NASP: variants seen among roughly 807,000 people sequenced by gnomAD.
NASP encodes the protein NASP histone chaperone.
A neutral mutation model predicts 89.5 loss-of-function variants in NASP; 24 were observed. The ratio of observed to expected loss-of-function variants is 0.27; its 90% CI spans 0.19 to 0.38. NASP has a LOEUF of 0.38. Ranked by LOEUF, NASP falls within the 10% of genes least tolerant of loss-of-function variation. NASP has a pLI of 1.00. For synonymous variants in NASP, 306 were observed against 324.7 expected (o/e 0.94, Z 0.62); for missense variants, 848 against 921.4 (o/e 0.92, Z 1.03).
chr1:45,606,689 C>A, intron 5 of NASP, 98 bp downstream of exon 5: 1 of 767,712 alleles, frequency 1.3e-6, no homozygotes, highest in Non-Finnish European at 2.1e-6. Flanking sequence ...GATGGTCTCT[C>A]CTAAGATGCT....
intron 11 of NASP, 121 bp from the exon 12 acceptor site, chr1:45,616,216 T>C (rs1230776023): frequency 3.4e-6 from 3 of 882,254 alleles, no homozygotes; most frequent in Non-Finnish European, 5.7e-6. Flanking sequence ...GGATACTATA[T>C]GGAGGCCACT....
intron 6 of NASP, chr1:45,610,289 G>A (rs1419122295): frequency 1.3e-5 from 2 of 152,054 alleles, no homozygotes; most frequent in East Asian, 3.8e-4. Context: ...TTTTGGTGTT[G>A]TATATCAGAT....
intron 9 of NASP, 65 bp from the exon 10 acceptor site, chr1:45,614,948 G>T: frequency 7.1e-7 from 1 of 1,418,116 alleles, no homozygotes; most frequent in South Asian, 1.3e-5. Flanking sequence ...GGATGGGTCT[G>T]AATTCTGGAA....
At chr1:45,587,957 AG>A (rs1644581471) in intron 1 of NASP, among the ~76,000 whole-genome samples, 1 of 151,426 alleles carries the variant, frequency 6.6e-6, no homozygotes, top group South Asian at 2.1e-4. Flanking sequence ...CAAAAAAAAA[AG>A]GGCCAGGTGG....
chr1:45,591,693 A>G (rs1005888190), intron 2 of NASP, among the ~76,000 whole-genome samples: 8 of 97,854 alleles, frequency 8.2e-5, no homozygotes, highest in Non-Finnish European at 1.8e-4. Context: ...TGATATGGCT[A>G]TGGTTTTTTG....
chr1:45,590,753 C>T (rs1227355590), intron 1 of NASP, among the ~76,000 whole-genome samples: 1 of 135,346 alleles, frequency 7.4e-6, no homozygotes, highest in Non-Finnish European at 1.5e-5. Flanking sequence ...TTAAAAAAAC[C>T]TGTGTGTTAT....
In NASP at chr1:45,613,198, G is replaced by A; in HGVS notation, c.1456G>A (p.Glu486Lys). ...ETEGSEEDDK[E>K]NDKTEEMPND... ...TGAAGGCTCAGAAGAGGATGATAAA[G>A]AAAATGATAAGACCGAAGAAATGCC... The change falls in exon 7 of 15, where the codon GAA becomes AAA. Residue 486 changes from glutamate to lysine, a missense_variant. Glu to Lys is a moderately conservative substitution (Grantham distance 56). Coordinates refer to ENST00000350030, the MANE Select transcript of NASP (RefSeq NM_002482.4). The A allele has an allele frequency of 5.6e-6, 9 of 1,610,948 alleles. No homozygotes were observed. In the South Asian group the frequency reaches 8.8e-5, roughly 16 times the overall value.
chr1:45,615,245 A>G (rs752178196), intron 10 of NASP, 44 bp downstream of exon 10: 91 of 1,611,670 alleles, frequency 5.6e-5, no homozygotes, highest in East Asian at 2.2e-5. Context: ...GGATCCAGCA[A>G]TTAACAAGGA....
intron 5 of NASP, 139 bp downstream of exon 5, chr1:45,606,730 T>C (rs575604421): frequency 5.5e-6 from 3 of 549,296 alleles, no homozygotes; most frequent in East Asian, 6.2e-5. Context: ...CTGGTGGAGA[T>C]TGCAGTGGGG....
chr1:45,597,422 T>C (rs191163267), intron 2 of NASP, among the ~76,000 whole-genome samples: 155 of 151,826 alleles, frequency 1.0e-3, no homozygotes, highest in African/African-American at 3.6e-3. Flanking sequence ...TACATATCTG[T>C]ATCAAGTCAG....
rs1000778460 is a variant in NASP, at chr1:45,603,543, T to C, written c.218+1178T>C. Among the ~76,000 whole-genome samples the C allele has an allele frequency of 2.0e-5, 3 of 152,002 alleles. No homozygotes were observed. The East Asian group carries it at 5.8e-4, about 29-fold the overall frequency. ...CTGATTCCTGTCCTCTTTGTTCCTC[T>C]CTGTTTGACCTTAATGAATTGGGGC... On this transcript the variant is annotated intron_variant, in intron 3 of 14. Coordinates refer to ENST00000350030, the MANE Select transcript of NASP (RefSeq NM_002482.4).
intron 1 of NASP, among the ~76,000 whole-genome samples, chr1:45,590,534 A>ATGTCG (rs1643510237): frequency 6.8e-6 from 1 of 147,676 alleles, no homozygotes; most frequent in Non-Finnish European, 1.5e-5. Context: ...TGGGCGACAG[A>ATGTCG]GCAAGACTCT....
chr1:45,595,803 C>T (rs941703625), intron 2 of NASP, among the ~76,000 whole-genome samples: 12 of 152,190 alleles, frequency 7.9e-5, no homozygotes, highest in African/African-American at 1.2e-4. Context: ...CAGTCCTTGA[C>T]TACATGGTTT....
chr1:45,586,281 T>TGTGG, intron 1 of NASP, among the ~76,000 whole-genome samples: 1 of 36,630 alleles, frequency 2.7e-5, no homozygotes, highest in Non-Finnish European at 5.8e-5. Context: ...TGTGTGTGTG[T>TGTGG]GTGGTGTGTG....
At chr1:45,584,690 G>C (rs1253268988) in intron 1 of NASP, among the ~76,000 whole-genome samples, 1 of 151,178 alleles carries the variant, frequency 6.6e-6, no homozygotes, top group Non-Finnish European at 1.5e-5. Flanking sequence ...GGTGGGCGGG[G>C]CCTTGCTGAG....
Position 45,616,713 on chromosome 1 carries a change from C to G in NASP, c.2157+10C>G. ...CCTTGTCAGAAAGAAGGTAAGTCTACATGTGGTGTTTCTTTTCTACCGTTT... is the reference window on the plus strand; with the variant it reads ...CCTTGTCAGAAAGAAGGTAAGTCTAGATGTGGTGTTTCTTTTCTACCGTTT... On this transcript the variant is annotated intron_variant, in intron 13 of 14. Coordinates refer to ENST00000350030, the MANE Select transcript of NASP (RefSeq NM_002482.4). The G allele has an allele frequency of 6.2e-7, 1 of 1,607,350 alleles. No homozygotes were observed. Among genetic ancestry groups the G allele is most frequent in the African/African-American group, 1.3e-5 (1 of 74,912 alleles).
Position 45,613,251 on chromosome 1 carries a change from A to T in NASP, c.1506+3A>T. On this transcript the variant is annotated splice_donor_region_variant and intron_variant, in intron 7 of 14. Coordinates refer to ENST00000350030, the MANE Select transcript of NASP (RefSeq NM_002482.4). ...ATGATTCAGTCCTTGAAAACAAGGT[A>T]TGTTGTTAGCCACTCAGTACTGTTG... 6.2e-7 allele frequency: 1 copy of T among 1,609,118 alleles called. No individual in the cohort carries two copies. Among genetic ancestry groups the T allele is most frequent in the Non-Finnish European group, 8.5e-7 (1 of 1,177,782 alleles).
intron 3 of NASP, among the ~76,000 whole-genome samples, chr1:45,603,895 C>T (rs143701607): frequency 2.0e-5 from 3 of 152,328 alleles, no homozygotes; most frequent in Non-Finnish European, 2.9e-5. Flanking sequence ...AGGCGTGAGC[C>T]ACTGTGCCCA....
chr1:45,617,377 C>T (rs1167603455), intron 13 of NASP, 86 bp from the exon 14 acceptor site: 2 of 1,468,840 alleles, frequency 1.4e-6, no homozygotes, highest in African/African-American at 1.4e-5. Context: ...AGGATCTTTG[C>T]ACCACAAGGG....
Sources: allele counts gnomAD v4.1 joint callset (sites outside exome capture counted in the v4.1 genomes callset), GRCh38; gene constraint gnomAD v4.1.1; transcripts MANE v1.5; gene names NCBI Gene and HGNC (gene_info 2026-07-23, HGNC 2026-07-21).